The following GPR39 variants were observed in gnomAD, a reference collection of about 807,000 sequenced individuals.
GPR39 encodes zinc sensing receptor.
GPR39 carries 23 observed loss-of-function variants against 18.4 expected under a neutral mutation model. That is an observed-to-expected ratio of 1.25 (90% CI 0.90 to 1.77). The LOEUF is 1.77. GPR39 is among the 40% of genes most tolerant of loss of function. The pLI is 0.00. For synonymous variants in GPR39, 280 were observed against 257.9 expected (o/e 1.09, Z -0.82); for missense variants, 647 against 602.4 (o/e 1.07, Z -0.78).
chr2:132,607,081 G>T (rs926699092), intron 1 of GPR39, among the ~76,000 whole-genome samples: 4 of 152,172 alleles, frequency 2.6e-5, no homozygotes, highest in Non-Finnish European at 5.9e-5. Flanking sequence ...GGGTAATATG[G>T]ATCAGAAAGC....
At position 132,645,184 on chromosome 2, in the gene GPR39, T is replaced by G. The variant is rs375942168; in HGVS notation, c.940T>G (p.Trp314Gly). ...IMAAAKPKHD[W>G]TRSYFRAYMI... ...GGCTGCGGCCAAACCCAAGCACGAC[T>G]GGACGAGGTCCTACTTCCGGGCGTA... Residue 314 changes from tryptophan to glycine, a missense_variant, in exon 2 of 2, where the codon TGG becomes GGG. Trp to Gly is a radical substitution (Grantham distance 184, BLOSUM62 -2). This residue lies in a region of GPR39 where 581 missense variants were observed against 506.8 expected (regional missense o/e 1.15). Coordinates refer to ENST00000329321, the MANE Select transcript of GPR39 (RefSeq NM_001508.3). 1 of 1,614,066 alleles carries G rather than the reference T, an allele frequency of 6.2e-7. No homozygotes were observed. The highest frequency in any genetic ancestry group is 1.3e-5 in the African/African-American group (1 of 74,912).
At chr2:132,606,708 A>G (rs1681144339) in intron 1 of GPR39, among the ~76,000 whole-genome samples, 1 of 152,220 alleles carries the variant, frequency 6.6e-6, no homozygotes, top group Admixed American at 6.5e-5. Flanking sequence ...CGAAAAAATT[A>G]GATCACACGA....
intron 1 of GPR39, among the ~76,000 whole-genome samples, chr2:132,561,165 G>A (rs764891817): frequency 2.6e-5 from 4 of 151,704 alleles, no homozygotes; most frequent in Admixed American, 6.6e-5. Flanking sequence ...TGATCCACCC[G>A]CCTCAGACTC....
intron 1 of GPR39, among the ~76,000 whole-genome samples, chr2:132,555,158 G>A (rs1014658192): frequency 1.3e-5 from 2 of 152,094 alleles, no homozygotes; most frequent in Non-Finnish European, 2.9e-5. Context: ...TACCATGTTA[G>A]CCAGGATGGT....
At chr2:132,492,039 A>G (rs984163758) in intron 1 of GPR39, among the ~76,000 whole-genome samples, 3 of 151,010 alleles carry the variant, frequency 2.0e-5, no homozygotes, top group Non-Finnish European at 4.4e-5. Flanking sequence ...TATACACCAC[A>G]TATATATACA....
chr2:132,616,077 C>T (rs1170364804), intron 1 of GPR39, among the ~76,000 whole-genome samples: 1 of 152,078 alleles, frequency 6.6e-6, no homozygotes, highest in East Asian at 1.9e-4. Flanking sequence ...CCTACTGAAC[C>T]CTGAAATGTT....
At chr2:132,438,959 G>A (rs962276285) in intron 1 of GPR39, among the ~76,000 whole-genome samples, 1 of 152,168 alleles carries the variant, frequency 6.6e-6, no homozygotes, top group Non-Finnish European at 1.5e-5. Flanking sequence ...TAATTCTGAT[G>A]ACATGTGGCG....
intron 1 of GPR39, among the ~76,000 whole-genome samples, chr2:132,544,470 C>A (rs1223626490): frequency 1.3e-5 from 2 of 152,166 alleles, no homozygotes. Flanking sequence ...ATGCTTGCCC[C>A]CTTGATGCAG....
chr2:132,534,886 G>A (rs982714161), intron 1 of GPR39, among the ~76,000 whole-genome samples: 1 of 151,942 alleles, frequency 6.6e-6, no homozygotes, highest in Non-Finnish European at 1.5e-5. Flanking sequence ...TATACCTAAT[G>A]CTAAATGACG....
chr2:132,417,965 C>T, intron 1 of GPR39, 67 bp downstream of exon 1: 1 of 1,502,450 alleles, frequency 6.7e-7, no homozygotes, highest in Non-Finnish European at 8.9e-7. Flanking sequence ...CGTGCCACTG[C>T]CTGTGGCCCT....
chr2:132,466,113 G>A lies in GPR39; in HGVS notation c.856+48215G>A, dbSNP rs139283334. Among the ~76,000 whole-genome samples, 9 of 152,108 alleles carry A rather than the reference G, an allele frequency of 5.9e-5. No homozygotes were observed. The East Asian group carries it at 1.7e-3, about 30-fold the overall frequency. Reference sequence around the variant, plus strand: ...AGTCATTCATGCTTAGCATACTCTTGAGCTTGGCTGTCTCTGAGCAGTCAT... The same window carrying A: ...AGTCATTCATGCTTAGCATACTCTTAAGCTTGGCTGTCTCTGAGCAGTCAT... On this transcript the variant is annotated intron_variant, in intron 1 of 1. Coordinates refer to ENST00000329321, the MANE Select transcript of GPR39 (RefSeq NM_001508.3).
chr2:132,498,903 G>A (rs750622758), intron 1 of GPR39, among the ~76,000 whole-genome samples: 5 of 152,046 alleles, frequency 3.3e-5, no homozygotes, highest in African/African-American at 4.8e-5. Flanking sequence ...CCCACTTTTT[G>A]ATGGGATTGT....
At chr2:132,533,201 A>G (rs1337450777) in intron 1 of GPR39, among the ~76,000 whole-genome samples, 1 of 151,612 alleles carries the variant, frequency 6.6e-6, no homozygotes, top group African/African-American at 2.4e-5. Context: ...TACACCAACA[A>G]CAGACAAACA....
At chr2:132,472,998 A>T (rs755844563) in intron 1 of GPR39, among the ~76,000 whole-genome samples, 32 of 151,864 alleles carry the variant, frequency 2.1e-4, no homozygotes, top group Non-Finnish European at 3.7e-4. Context: ...GCACCACCAG[A>T]TTTGCTGCAA....
intron 1 of GPR39, among the ~76,000 whole-genome samples, chr2:132,636,282 G>T (rs1054737561): frequency 6.6e-6 from 1 of 152,190 alleles, no homozygotes; most frequent in Non-Finnish European, 1.5e-5. Flanking sequence ...TCTTAGCTCT[G>T]TGCTCCACCC....
chr2:132,429,651 T>G (rs573054323), intron 1 of GPR39, among the ~76,000 whole-genome samples: 1 of 152,212 alleles, frequency 6.6e-6, no homozygotes, highest in Non-Finnish European at 1.5e-5. Flanking sequence ...TAAAAGAGTG[T>G]AAAGGAGCCT....
chr2:132,518,220 G>T (rs59201363), intron 1 of GPR39, among the ~76,000 whole-genome samples: 2,444 of 152,172 alleles, frequency 0.016, 63 homozygotes, highest in African/African-American at 0.055. Context: ...GAAAGCTAGG[G>T]TTTCCCCTCT....
chr2:132,631,831 T>C (rs1681655162), intron 1 of GPR39, among the ~76,000 whole-genome samples: 1 of 151,668 alleles, frequency 6.6e-6, no homozygotes, highest in Non-Finnish European at 1.5e-5. Flanking sequence ...CTTCTTTTTT[T>C]TTTTTTTCTG....
intron 1 of GPR39, among the ~76,000 whole-genome samples, chr2:132,638,226 C>A (rs1681798914): frequency 6.6e-6 from 1 of 151,948 alleles, no homozygotes; most frequent in Non-Finnish European, 1.5e-5. Context: ...AGGAGTGGAA[C>A]CAGAGGGAGG....
Sources: allele counts gnomAD v4.1 joint callset (sites outside exome capture counted in the v4.1 genomes callset), GRCh38; gene constraint gnomAD v4.1.1; regional missense constraint gnomAD v4.1.1; transcripts MANE v1.5; gene names NCBI Gene and HGNC (gene_info 2026-07-23, HGNC 2026-07-21).